PTPRT: variants seen among roughly 807,000 people sequenced by gnomAD.
The protein encoded by PTPRT is protein tyrosine phosphatase receptor type T, also known as receptor-type tyrosine-protein phosphatase T.
Under a neutral mutation model 176.8 loss-of-function variants are expected in PTPRT, and 56 were observed. The observed-to-expected ratio is 0.32, with a 90% CI of 0.26 to 0.40. PTPRT has a LOEUF of 0.40. Among genes scored for constraint, PTPRT ranks in the 10% least tolerant of loss-of-function variants. The probability of loss-of-function intolerance (pLI) is 1.00; values close to 1 mark genes in which losing one functional copy is unlikely to be tolerated. For synonymous variants in PTPRT, 783 were observed against 739.0 expected, an observed-to-expected ratio of 1.06 and a Z score of -0.96; for missense variants, 1,540 against 1,908.2, an observed-to-expected ratio of 0.81 and a Z score of 3.60.
intron 9 of PTPRT, among the ~76,000 whole-genome samples, chr20:42,422,881 C>T (rs2059131424): frequency 6.6e-6 from 1 of 152,128 alleles, no homozygotes. Context: ...GGAATGAGAT[C>T]ATGTTCTTTG....
intron 9 of PTPRT, among the ~76,000 whole-genome samples, chr20:42,357,153 G>A (rs556808236): frequency 6.6e-6 from 1 of 152,140 alleles, no homozygotes; most frequent in East Asian, 1.9e-4. Flanking sequence ...AATATGACTT[G>A]CAAGTCAAAT....
intron 15 of PTPRT, among the ~76,000 whole-genome samples, chr20:42,207,192 A>G (rs1021071471): frequency 3.3e-5 from 5 of 152,176 alleles, no homozygotes; most frequent in African/African-American, 1.2e-4. Context: ...AAGATGGGGA[A>G]AAAACAGAAC....
intron 14 of PTPRT, 83 bp from the exon 15 acceptor site, chr20:42,236,341 T>A: frequency 8.4e-7 from 1 of 1,190,634 alleles, no homozygotes; most frequent in Non-Finnish European, 1.2e-6. Context: ...ATTAGATTTT[T>A]AATGAAATCT....
At chr20:42,329,035 T>C (rs1424811443) in intron 11 of PTPRT, among the ~76,000 whole-genome samples, 5 of 151,702 alleles carry the variant, frequency 3.3e-5, no homozygotes, top group Non-Finnish European at 7.4e-5. Flanking sequence ...GCAAACACAA[T>C]AGGGGACAGA....
intron 7 of PTPRT, chr20:42,606,724 T>C (rs574099423): frequency 1.3e-5 from 2 of 152,344 alleles, no homozygotes; most frequent in South Asian, 4.1e-4. Flanking sequence ...GATTAATTTA[T>C]TTGCTCTACA....
intron 7 of PTPRT, among the ~76,000 whole-genome samples, chr20:42,542,146 T>G (rs2072594672): frequency 6.6e-6 from 1 of 151,856 alleles, no homozygotes; most frequent in Non-Finnish European, 1.5e-5. Context: ...TTGTGAGGTC[T>G]CCCAAGCCAT....
At chr20:42,106,992 T>G (rs1986513832) in intron 23 of PTPRT, 71 bp from the exon 24 acceptor site, 1 of 1,562,168 alleles carries the variant, frequency 6.4e-7, no homozygotes. Flanking sequence ...CCCCTAGCAT[T>G]CAGCCCTATC....
In PTPRT at chr20:42,646,699, T is replaced by C. The variant is rs960070661; in HGVS notation, c.1153+31167A>G. ...CTGCCATCTTCACAGGAAGTTCTGT[T>C]GGATGGTGCTGCACTATAGGCTTCA... On this transcript the variant is annotated intron_variant, in intron 7 of 30. Transcript: ENST00000373187. Among the ~76,000 whole-genome samples the C allele has an allele frequency of 2.3e-4, 35 of 152,104 alleles. 1 individual carries two copies. Among genetic ancestry groups the C allele is most frequent in the African/African-American group, 8.0e-4 (33 of 41,472 alleles).
chr20:42,991,070 C>A (rs143678958), intron 1 of PTPRT, among the ~76,000 whole-genome samples: 4 of 152,062 alleles, frequency 2.6e-5, no homozygotes, highest in Non-Finnish European at 4.4e-5. Context: ...GGAGAGAAAG[C>A]GGGCGGAACT....
rs6093599 is a variant in PTPRT at position 42,234,993 on chromosome 20, C to T, written c.2342+1236G>A. On this transcript the variant is annotated intron_variant, in intron 15 of 30. Coordinates refer to ENST00000373187, the MANE Select transcript of PTPRT (RefSeq NM_007050.6). ...GCCAGAGGTGAGGGAAGACATGGAG[C>T]GCTAAGCAATACATTTTACCGGAAG... 3.1e-3 allele frequency among the ~76,000 whole-genome samples: 469 copies of T among 152,270 alleles called. 5 individuals are homozygous for T. Among genetic ancestry groups the T allele is most frequent in the African/African-American group, 9.8e-3 (406 of 41,550 alleles).
intron 7 of PTPRT, among the ~76,000 whole-genome samples, chr20:42,506,585 A>C (rs1359524840): frequency 6.6e-6 from 1 of 152,166 alleles, no homozygotes; most frequent in African/African-American, 2.4e-5. Flanking sequence ...GGTTGTGAAC[A>C]ATGTTGCACA....
At chr20:43,058,874 T>C (rs1987345434) in intron 1 of PTPRT, among the ~76,000 whole-genome samples, 1 of 152,226 alleles carries the variant, frequency 6.6e-6, no homozygotes. Flanking sequence ...CAGGCTCTGC[T>C]ATCTTCTTTG....
chr20:42,435,375 C>T (rs2059253066), intron 9 of PTPRT, among the ~76,000 whole-genome samples: 4 of 152,168 alleles, frequency 2.6e-5, no homozygotes, highest in Admixed American at 2.0e-4. Flanking sequence ...TTAGGCAGGG[C>T]CCTTCTGAGG....
chr20:42,827,965 A>G (rs35744861), intron 2 of PTPRT, among the ~76,000 whole-genome samples: 1 of 152,332 alleles, frequency 6.6e-6, no homozygotes, highest in Non-Finnish European at 1.5e-5. Flanking sequence ...ATGGACTAAT[A>G]CAGTAATTTG....
chr20:42,309,002 G>GA (rs1230657725), intron 12 of PTPRT, among the ~76,000 whole-genome samples: 1 of 152,184 alleles, frequency 6.6e-6, no homozygotes, highest in Non-Finnish European at 1.5e-5. Flanking sequence ...ACTGGAGGAG[G>GA]AAGTAGGAGA....
intron 7 of PTPRT, among the ~76,000 whole-genome samples, chr20:42,594,442 G>A (rs907510138): frequency 6.6e-6 from 1 of 151,810 alleles, no homozygotes; most frequent in Non-Finnish European, 1.5e-5. Context: ...CTTTCTCTCG[G>A]GACAGAAAAG....
At chr20:42,603,073 C>T (rs1017500107) in intron 7 of PTPRT, among the ~76,000 whole-genome samples, 16 of 152,072 alleles carry the variant, frequency 1.1e-4, no homozygotes, top group Admixed American at 4.6e-4. Flanking sequence ...AACCACATAC[C>T]GTGCATTGCC....
intron 15 of PTPRT, among the ~76,000 whole-genome samples, chr20:42,209,144 G>A (rs6124431): frequency 0.053 from 8,002 of 152,258 alleles, 297 homozygotes; most frequent in East Asian, 0.1. Flanking sequence ...CACATTTAAA[G>A]CAGTGTGTAG....
Position 42,072,777 on chromosome 20 carries a change from G to A in PTPRT, c.*8102C>T, listed in dbSNP as rs1982419520. The A allele has an allele frequency of 4.7e-6, 1 of 211,810 alleles. No individual in the cohort carries two copies. The highest frequency in any genetic ancestry group is 1.9e-4 in the South Asian group (1 of 5,354). The allele number at this position is 211,810 out of a possible 1,614,324, so 13.1% of individuals were successfully genotyped here. A position where few individuals can be genotyped will look rare whatever the true frequency, so the allele number is the denominator to read the frequency against. ...TATCTTAGGAAAACATGAATCTCAG[G>A]GTCACAGCTTTATTGTATAGATTTT... On this transcript the variant is annotated 3_prime_UTR_variant, in exon 31 of 31. Transcript: ENST00000373187.
Sources: allele counts gnomAD v4.1 joint callset (sites outside exome capture counted in the v4.1 genomes callset), GRCh38; gene constraint gnomAD v4.1.1; transcripts MANE v1.5; gene names NCBI Gene and HGNC (gene_info 2026-07-23, HGNC 2026-07-21).